The following KLHDC4 variants were observed in gnomAD, a reference collection of about 807,000 sequenced individuals.
The protein encoded by KLHDC4 is kelch domain containing 4.
In KLHDC4, 90 loss-of-function variants were observed where a neutral mutation model predicts 62.4. The ratio of observed to expected loss-of-function variants is 1.44; its 90% CI spans 1.22 to 1.72. The LOEUF is 1.72. Among genes scored for constraint, KLHDC4 ranks in the 40% most tolerant of loss-of-function variants. The pLI is 0.00. For synonymous variants in KLHDC4, 386 were observed against 284.4 expected, an observed-to-expected ratio of 1.36 and a Z score of -3.59; for missense variants, 1,025 against 699.7, an observed-to-expected ratio of 1.47 and a Z score of -5.25.
intron 7 of KLHDC4, among the ~76,000 whole-genome samples, chr16:87,721,421 A>T (rs2038314376): frequency 6.6e-6 from 1 of 150,770 alleles, no homozygotes; most frequent in Admixed American, 6.6e-5. Context: ...CTCTAAAAAA[A>T]AAAAAAAAAA....
At chr16:87,709,715 G>C in intron 9 of KLHDC4, 48 bp from the exon 10 acceptor site, 2 of 1,504,868 alleles carry the variant, frequency 1.3e-6, no homozygotes, top group Non-Finnish European at 8.9e-7. Flanking sequence ...AGCGAGGCAG[G>C]GGTCATTCCT....
chr16:87,722,674 A>AG (rs1359821024), intron 7 of KLHDC4, among the ~76,000 whole-genome samples: 1 of 152,224 alleles, frequency 6.6e-6, no homozygotes, highest in Non-Finnish European at 1.5e-5. Flanking sequence ...AAGGACACGC[A>AG]GGGGGATGGA....
At chr16:87,753,964 C>A (rs1447206219) in intron 4 of KLHDC4, among the ~76,000 whole-genome samples, 2 of 142,244 alleles carry the variant, frequency 1.4e-5, no homozygotes, top group Non-Finnish European at 3.0e-5. Context: ...CAGCAAGACA[C>A]CATCTCAAAA....
chr16:87,707,313 C>G (rs188957596), downstream of KLHDC4, among the ~76,000 whole-genome samples: 4 of 152,346 alleles, frequency 2.6e-5, no homozygotes, highest in East Asian at 5.8e-4. Flanking sequence ...CCTCCAGCCT[C>G]CCTTCCTGTC....
intron 5 of KLHDC4, among the ~76,000 whole-genome samples, chr16:87,732,866 G>C (rs968381430): frequency 6.7e-6 from 1 of 148,998 alleles, no homozygotes; most frequent in African/African-American, 2.5e-5. Context: ...CAGGTGAAAA[G>C]GCAGGTGCAA....
intron 7 of KLHDC4, among the ~76,000 whole-genome samples, chr16:87,717,117 G>C (rs967464290): frequency 2.0e-5 from 3 of 151,976 alleles, no homozygotes; most frequent in African/African-American, 7.3e-5. Context: ...TGTAGTCTCA[G>C]CTACTCCCAA....
At chr16:87,746,943 G>T (rs1032930621) in intron 5 of KLHDC4, among the ~76,000 whole-genome samples, 4 of 152,206 alleles carry the variant, frequency 2.6e-5, no homozygotes, top group Admixed American at 2.6e-4. Context: ...GATGTCCCGC[G>T]TACGACCGAG....
intron 1 of KLHDC4, among the ~76,000 whole-genome samples, chr16:87,762,369 G>A (rs1039624905): frequency 6.6e-6 from 1 of 152,048 alleles, no homozygotes; most frequent in Non-Finnish European, 1.5e-5. Context: ...ACCCAGACTC[G>A]AGCCGTCGCA....
downstream of KLHDC4, among the ~76,000 whole-genome samples, chr16:87,707,462 G>A (rs541935323): frequency 7.9e-5 from 12 of 152,122 alleles, no homozygotes; most frequent in Non-Finnish European, 1.0e-4. Context: ...CCCCCACCAC[G>A]AGACCCCCGT....
In KLHDC4 at chr16:87,744,985, A is replaced by ATG. The variant is rs569225134; in HGVS notation, c.506+3687_506+3688insCA. ...TGCACACATGCAATCATCTGCACAC[A>ATG]CGCGGTGCACACACGTGTACACATG... On this transcript the variant is annotated intron_variant, in intron 5 of 11. Transcript: ENST00000270583. 2.5e-3 allele frequency among the ~76,000 whole-genome samples: 223 copies of ATG among 87,702 alleles called. 1 individual carries two copies. Among genetic ancestry groups the ATG allele is most frequent in the African/African-American group, 0.014 (215 of 15,626 alleles). 57.5% of individuals were successfully genotyped at this position (87,702 alleles called of 152,430 possible). A position where few individuals can be genotyped will look rare whatever the true frequency, so the allele number is the denominator to read the frequency against.
chr16:87,750,201 G>A (rs928979425), intron 4 of KLHDC4: 3 of 152,306 alleles, frequency 2.0e-5, no homozygotes, highest in Middle Eastern at 3.2e-3. Context: ...AGCAATGGCA[G>A]AGACCACCAA....
At chr16:87,765,479 A>T in intron 1 of KLHDC4, 1 of 495,508 alleles carries the variant, frequency 2.0e-6, no homozygotes, top group Non-Finnish European at 3.9e-6. Context: ...GCCTCCCTTC[A>T]GAGGGAGGGT....
rs775869375 is a variant in KLHDC4, at chr16:87,709,597, G to A, written c.1115C>T (p.Ala372Val). Residue 372 changes from alanine to valine, a missense_variant, in exon 10 of 12, where the codon GCG becomes GTG. Ala to Val is a moderately conservative substitution (Grantham distance 64, BLOSUM62 0). Coordinates refer to ENST00000270583, the MANE Select transcript of KLHDC4 (RefSeq NM_017566.4). ...KEEPEGGSRP[A>V]CGGAGTQGPV... Reference sequence around the variant, plus strand: ...CCCCTGGGTGCCAGCTCCCCCACACGCCGGCCTGCTACCACCTTCGGGCTC... The same window carrying A: ...CCCCTGGGTGCCAGCTCCCCCACACACCGGCCTGCTACCACCTTCGGGCTC... 28 of 1,612,050 alleles carry A rather than the reference G, an allele frequency of 1.7e-5. No individual in the cohort carries two copies. The Admixed American group carries it at 2.5e-4, about 14-fold the overall frequency.
intron 7 of KLHDC4, among the ~76,000 whole-genome samples, chr16:87,715,506 G>A (rs1372543255): frequency 6.6e-6 from 1 of 152,122 alleles, no homozygotes; most frequent in Non-Finnish European, 1.5e-5. Context: ...CCCACTGGCC[G>A]TTTCGTCCTG....
intron 5 of KLHDC4, among the ~76,000 whole-genome samples, chr16:87,736,077 G>C (rs1268464211): frequency 6.6e-6 from 1 of 152,180 alleles, no homozygotes; most frequent in Non-Finnish European, 1.5e-5. Flanking sequence ...GACAGAGACG[G>C]GTTCTGGGAA....
At chr16:87,706,715 G>A (rs1420951189), downstream of KLHDC4, among the ~76,000 whole-genome samples, 2 of 152,222 alleles carry the variant, frequency 1.3e-5, no homozygotes, top group African/African-American at 4.8e-5. Flanking sequence ...TGAACACCCG[G>A]CTGCACCAGG....
chr16:87,709,139 A>AGCACAGGCGAGAAGTGTCG (rs2035259662), intron 10 of KLHDC4, 126 bp downstream of exon 10: 3 of 1,209,296 alleles, frequency 2.5e-6, no homozygotes, highest in Non-Finnish European at 3.5e-6. Flanking sequence ...TGGAGGCAGG[A>AGCACAGGCGAGAAGTGTCG]GCACAGGCGA....
At chr16:87,727,573 C>G (rs1567718048) in intron 6 of KLHDC4, among the ~76,000 whole-genome samples, 1 of 152,206 alleles carries the variant, frequency 6.6e-6, no homozygotes, top group Non-Finnish European at 1.5e-5. Flanking sequence ...TTGCCCTGCT[C>G]AGTGCCTGCC....
At chr16:87,724,830 T>C (rs775390795) in intron 7 of KLHDC4, among the ~76,000 whole-genome samples, 5 of 152,120 alleles carry the variant, frequency 3.3e-5, no homozygotes, top group Admixed American at 3.3e-4. Flanking sequence ...CCACTCCAGA[T>C]ATCTATTTAC....
Sources: gnomAD v4.1 joint callset for allele counts (sites outside exome capture counted in the v4.1 genomes callset) on GRCh38, gnomAD v4.1.1 for gene constraint, MANE v1.5 for transcripts, NCBI Gene and HGNC (gene_info 2026-07-23, HGNC 2026-07-21) for gene names.